The following MINK1 variants were observed in gnomAD, a reference collection of about 807,000 sequenced individuals.
MINK1 encodes the protein misshapen like kinase 1.
Under a neutral mutation model 178.4 loss-of-function variants are expected in MINK1, and 46 were observed. The ratio of observed to expected loss-of-function variants is 0.26; its 90% CI spans 0.20 to 0.33. MINK1 has a LOEUF of 0.33. Ranked by LOEUF, MINK1 falls within the 10% of genes least tolerant of loss-of-function variation. The probability of loss-of-function intolerance (pLI) is 1.00; values close to 1 mark genes in which losing one functional copy is unlikely to be tolerated. For missense variants in MINK1, 1,366 were observed against 1,814.9 expected, an observed-to-expected ratio of 0.75 and a Z score of 4.49; for synonymous variants, 797 against 709.7, an observed-to-expected ratio of 1.12 and a Z score of -1.96.
intron 1 of MINK1, among the ~76,000 whole-genome samples, chr17:4,861,998 C>G (rs933886434): frequency 4.6e-5 from 7 of 152,132 alleles, no homozygotes; most frequent in Non-Finnish European, 1.0e-4. Flanking sequence ...ATTCGGGCAC[C>G]CATCTCAGTG....
At chr17:4,893,795 G>C in intron 21 of MINK1, 193 bp from the exon 22 acceptor site, 1 of 927,592 alleles carries the variant, frequency 1.1e-6, no homozygotes, top group Admixed American at 3.1e-5. Context: ...GTGCCTGTCT[G>C]CCCCTGTGCC....
intron 1 of MINK1, among the ~76,000 whole-genome samples, chr17:4,869,242 ATTATTAT>A (rs768977136): frequency 0.027 from 3,920 of 144,742 alleles, 61 homozygotes; most frequent in Non-Finnish European, 0.038. Flanking sequence ...TAATTTTTAA[ATTATTAT>A]TTATTTATTT....
At position 4,883,741 on chromosome 17, in the gene MINK1, T is replaced by C. The variant is rs1967941365; in HGVS notation, c.307-622T>C. Among the ~76,000 whole-genome samples the C allele has an allele frequency of 2.0e-5, 3 of 147,684 alleles. No individual in the cohort carries two copies. In the South Asian group the frequency reaches 6.5e-4, roughly 32 times the overall value. On this transcript the variant is annotated intron_variant, in intron 4 of 31. Transcript: ENST00000355280. ...TTTTAGTAGAGACAGGGTTTCACCG[T>C]GTTATCCAGGATGGTCTTGAACTCC... is the stretch of plus-strand genomic sequence containing the variant.
Position 4,893,997 on chromosome 17 carries a change from G to T in MINK1, c.2574G>T (p.Gly858=). 6.3e-7 allele frequency: 1 copy of T among 1,582,668 alleles called. No homozygotes were observed. Among genetic ancestry groups the T allele is most frequent in the Non-Finnish European group, 8.6e-7 (1 of 1,164,262 alleles). ...CCTTCCTCTCTCACAGCAGCGATGGGGATACAGACAGCGTCAGCACCATGG... is the reference window on the plus strand; with the variant it reads ...CCTTCCTCTCTCACAGCAGCGATGGTGATACAGACAGCGTCAGCACCATGG... ...SRDTPGGRSD[G]DTDSVSTMVV... is the part of the protein sequence containing the mutation. The change falls in exon 22 of 32, where the codon GGG becomes GGT. Residue 858 remains glycine, a synonymous_variant. Coordinates refer to ENST00000355280, the MANE Select transcript of MINK1 (RefSeq NM_153827.5).
rs760842696 is a variant in MINK1 at position 4,886,172 on chromosome 17, T to G, written c.747T>G (p.Pro249=). The G allele has an allele frequency of 1.2e-6, 2 of 1,613,830 alleles. No homozygotes were observed. Among genetic ancestry groups the G allele is most frequent in the Non-Finnish European group, 1.7e-6 (2 of 1,179,856 alleles). Residue 249 remains proline (P), a synonymous_variant, in exon 9 of 32, where the codon CCT becomes CCG. Coordinates refer to ENST00000355280, the MANE Select transcript of MINK1 (RefSeq NM_153827.5). The surrounding 1 kb of genome is among the most constrained non-coding windows in gnomAD (Gnocchi z 6.1). The stretch of plus-strand genomic sequence containing the variant: ...CCCTCTTCCTCATTCCTCGGAACCC[T>G]CCGCCCAGGCTCAAGTCCAAGAAGT... ...MRALFLIPRN[P]PPRLKSKKWS...
In MINK1 at chr17:4,881,161, C is replaced by T; in HGVS notation, c.210C>T (p.Ile70=). The T allele has an allele frequency of 6.5e-7, 1 of 1,537,188 alleles. No individual in the cohort carries two copies. The highest frequency in any genetic ancestry group is 1.4e-5 in the African/African-American group (1 of 73,140). ...AGGAGGAAGAGATCAAACAGGAGATCAACATGCTGAAAAAGTACTCTCACC... is the reference window on the plus strand; with the variant it reads ...AGGAGGAAGAGATCAAACAGGAGATTAACATGCTGAAAAAGTACTCTCACC... ...EDEEEEIKQE[I]NMLKKYSHHR... Residue 70 remains isoleucine (I), a synonymous_variant, in exon 4 of 32, where the codon ATC becomes ATT. Transcript: ENST00000355280.
In MINK1 at chr17:4,895,666, G is replaced by C. The variant is rs770124807; in HGVS notation, c.3230-32G>C. The C allele has an allele frequency of 3.4e-5, 55 of 1,608,050 alleles. No homozygotes were observed. In the Middle Eastern group the frequency reaches 5.0e-4, roughly 14 times the overall value. ...GGCATTCGGGCCTCAGATGAGAATGGGGGCGGGTGTGTATGTCTGTCCGTC... is the reference window on the plus strand; with the variant it reads ...GGCATTCGGGCCTCAGATGAGAATGCGGGCGGGTGTGTATGTCTGTCCGTC... On this transcript the variant is annotated intron_variant, in intron 26 of 31. Coordinates refer to ENST00000355280, the MANE Select transcript of MINK1 (RefSeq NM_153827.5). The surrounding 1 kb of genome is among the most constrained non-coding windows in gnomAD (Gnocchi z 4.3).
chr17:4,896,406 C>T lies in MINK1; in HGVS notation c.3616-23C>T. The T allele has an allele frequency of 6.2e-7, 1 of 1,612,750 alleles. No individual in the cohort carries two copies. The highest frequency in any genetic ancestry group is 1.3e-5 in the African/African-American group (1 of 75,006). On this transcript the variant is annotated intron_variant, in intron 29 of 31. Coordinates refer to ENST00000355280, the MANE Select transcript of MINK1 (RefSeq NM_153827.5). The surrounding 1 kb of genome is among the most constrained non-coding windows in gnomAD (Gnocchi z 4.6). The stretch of plus-strand genomic sequence containing the variant: ...AGTCTGGGCACCAGACACGGAGACT[C>T]TAGTCCCCCTCCTTCTCCCCAGATC...
chr17:4,880,467 A>C (rs1032631040), intron 2 of MINK1, among the ~76,000 whole-genome samples: 16 of 149,770 alleles, frequency 1.1e-4, no homozygotes, highest in Non-Finnish European at 1.8e-4. Flanking sequence ...TTGTATTTTT[A>C]GTGGAGATGG....
chr17:4,879,967 A>C (rs931813725), intron 2 of MINK1, among the ~76,000 whole-genome samples: 5 of 152,128 alleles, frequency 3.3e-5, no homozygotes, highest in African/African-American at 1.2e-4. Context: ...GAAGAGGGTG[A>C]GGCAAAGCCC....
Position 4,893,561 on chromosome 17 carries a change from G to T in MINK1, c.2528G>T (p.Gly843Val). 6.3e-7 allele frequency: 1 copy of T among 1,579,758 alleles called. No homozygotes were observed. ...SEDDEEEGEG[G>V]PAEGSRDTPG... ...GACGACGAGGAGGAAGGCGAAGGCG[G>T]GCCAGCAGAGGGGAGCAGAGATACC... The change falls in exon 21 of 32, where the codon GGG becomes GTG. Residue 843 changes from glycine (G) to valine (V), a missense_variant. By Grantham distance (109) the Gly-to-Val change is moderately radical. Coordinates refer to ENST00000355280, the MANE Select transcript of MINK1 (RefSeq NM_153827.5).
intron 12 of MINK1, among the ~76,000 whole-genome samples, chr17:4,889,184 C>T (rs1014551863): frequency 3.9e-5 from 6 of 152,180 alleles, no homozygotes; most frequent in South Asian, 4.1e-4. Context: ...CACCTGGGCA[C>T]TGGTGCTTGT....
intron 1 of MINK1, among the ~76,000 whole-genome samples, chr17:4,839,162 C>T (rs1909787602): frequency 6.6e-6 from 1 of 152,206 alleles, no homozygotes; most frequent in Non-Finnish European, 1.5e-5. Context: ...CCAGGATGGT[C>T]TTGATCTCCT....
At chr17:4,845,354 T>C (rs1447582534) in intron 1 of MINK1, among the ~76,000 whole-genome samples, 2 of 152,216 alleles carry the variant, frequency 1.3e-5, no homozygotes, top group Non-Finnish European at 2.9e-5. Context: ...GGTTCTGCTA[T>C]GCTCATGTTC....
At chr17:4,853,567 AG>A (rs1194165847) in intron 1 of MINK1, among the ~76,000 whole-genome samples, 1 of 151,938 alleles carries the variant, frequency 6.6e-6, no homozygotes, top group Non-Finnish European at 1.5e-5. Context: ...CACTTGTTAG[AG>A]CCCTGGCTTT....
rs1567600800 is a variant in MINK1 at position 4,881,275 on chromosome 17, G to T, written c.306+18G>T. On this transcript the variant is annotated intron_variant, in intron 4 of 31. Transcript: ENST00000355280. ...AGCTCTGGGTGAGAAACGCCCCCCT[G>T]CCCGCCTTCCCTCCCCGCAATCCCT... 1.3e-6 allele frequency: 2 copies of T among 1,535,742 alleles called. No homozygotes were observed. Among genetic ancestry groups the T allele is most frequent in the African/African-American group, 1.4e-5 (1 of 73,070 alleles).
chr17:4,893,783 A>C, intron 21 of MINK1, 186 bp downstream of exon 21: 1 of 1,003,780 alleles, frequency 1.0e-6, no homozygotes, highest in Non-Finnish European at 1.4e-6. Context: ...TGGCCTCTTC[A>C]AGTGCCTGTC....
intron 17 of MINK1, 38 bp from the exon 18 acceptor site, chr17:4,892,364 C>T (rs1008575765): frequency 1.3e-5 from 19 of 1,470,434 alleles, no homozygotes; most frequent in Middle Eastern, 2.0e-4. Flanking sequence ...TCAGCGCCCC[C>T]CCGCCGCCCC....
rs118080196 is a variant in MINK1, at chr17:4,838,228, C to T, written c.57+4588C>T. ...GTGAAATGCTGCCTTGGCAAAATGA[C>T]GGAAGGAAGATTACTGAGAACTTGG... On this transcript the variant is annotated intron_variant, in intron 1 of 31. Transcript: ENST00000355280. Among the ~76,000 whole-genome samples the T allele has an allele frequency of 2.0e-4, 31 of 152,248 alleles. No individual in the cohort carries two copies. The East Asian group carries it at 5.0e-3, about 25-fold the overall frequency.
Sources: gnomAD v4.1 joint callset for allele counts (sites outside exome capture counted in the v4.1 genomes callset) on GRCh38, gnomAD v4.1.1 for gene constraint, Gnocchi (gnomAD v3.1) non-coding constraint, MANE v1.5 for transcripts, NCBI Gene and HGNC (gene_info 2026-07-23, HGNC 2026-07-21) for gene names.